Variants in MRC1 observed in about 807,000 individuals in gnomAD.
MRC1 encodes macrophage mannose receptor 1.
MRC1 carries 62 observed loss-of-function variants against 102.9 expected under a neutral mutation model. The observed-to-expected ratio is 0.60, with a 90% CI of 0.49 to 0.74. The LOEUF is 0.74. MRC1 is among the 30% of genes least tolerant of loss of function. The pLI, the probability that MRC1 is intolerant of heterozygous loss-of-function variation, is 0.00. For synonymous variants in MRC1, 457 were observed against 298.4 expected, an observed-to-expected ratio of 1.53 and a Z score of -5.48; for missense variants, 1,237 against 862.8, an observed-to-expected ratio of 1.43 and a Z score of -5.43.
At chr10:17,847,173 A>G (rs1224041070) in intron 6 of MRC1, among the ~76,000 whole-genome samples, 1 of 151,842 alleles carries the variant, frequency 6.6e-6, no homozygotes, top group African/African-American at 2.4e-5. Flanking sequence ...CTTTTTTGGA[A>G]GCCTTCATTA....
In MRC1 at chr10:17,875,342, T is replaced by G; in HGVS notation, c.2550+89T>G. 4.0e-6 allele frequency: 3 copies of G among 754,348 alleles called. No individual in the cohort carries two copies. The Admixed American group carries it at 5.4e-5, about 14-fold the overall frequency. The allele number at this position is 754,348 out of a possible 1,614,324, so 46.7% of individuals were successfully genotyped here. A position where few individuals can be genotyped will look rare whatever the true frequency, so the allele number is the denominator to read the frequency against. ...TATGGAAAAGTTCTTTAGTGGTGAT[T>G]TCTGAGATTTTGGTACACCCGTCAC... is the stretch of plus-strand genomic sequence containing the variant. On this transcript the variant is annotated intron_variant, in intron 17 of 29. Transcript: ENST00000569591.
chr10:17,815,573 G>A (rs969270564), intron 1 of MRC1, among the ~76,000 whole-genome samples: 6 of 152,144 alleles, frequency 3.9e-5, no homozygotes, highest in Non-Finnish European at 8.8e-5. Context: ...ACTTGGGAGC[G>A]AATGGCCCCG....
chr10:17,862,224 A>G (rs1833195444), intron 10 of MRC1, among the ~76,000 whole-genome samples: 1 of 118,834 alleles, frequency 8.4e-6, no homozygotes, highest in Non-Finnish European at 2.1e-5. Flanking sequence ...GTTGATATTA[A>G]AAAATCTTTG....
At chr10:17,824,296 T>G (rs1564610482) in intron 2 of MRC1, among the ~76,000 whole-genome samples, 2 of 152,340 alleles carry the variant, frequency 1.3e-5, no homozygotes, top group South Asian at 4.1e-4. Flanking sequence ...TAATCACATT[T>G]TAGGTTTGGA....
In MRC1 at chr10:17,861,451, CAAACCA is replaced by C; in HGVS notation, c.1586_1591del (p.Asn529_Gln530del). 1.1e-6 allele frequency: 1 copy of C among 872,434 alleles called. No individual in the cohort carries two copies. The highest frequency in any genetic ancestry group is 2.0e-6 in the Non-Finnish European group (1 of 501,404). The allele number at this position is 872,434 out of a possible 1,614,324, so 54.0% of individuals were successfully genotyped here. ...CATACGCTTTCAACATTTGCAGAAGCAAACCAAACCTGTAATAATGAGAATGCTTAT... is the reference window on the plus strand; with the variant it reads ...CATACGCTTTCAACATTTGCAGAAGCAACCTGTAATAATGAGAATGCTTAT... On this transcript the variant is annotated inframe_deletion, in exon 10 of 30. Coordinates refer to ENST00000569591, the MANE Select transcript of MRC1 (RefSeq NM_002438.4).
intron 26 of MRC1, among the ~76,000 whole-genome samples, chr10:17,905,531 A>T (rs1833883822): frequency 1.3e-5 from 2 of 151,866 alleles, no homozygotes; most frequent in Non-Finnish European, 2.9e-5. Context: ...TTTGAAAAAA[A>T]TTGCAATGAA....
chr10:17,827,627 G>C lies in MRC1; in HGVS notation c.549G>C (p.Thr183=), dbSNP rs1337231533. 1 of 780,818 alleles carries C rather than the reference G, an allele frequency of 1.3e-6. No homozygotes were observed. Among genetic ancestry groups the C allele is most frequent in the Non-Finnish European group, 2.4e-6 (1 of 417,954 alleles). 48.4% of individuals were successfully genotyped at this position (780,818 alleles called of 1,614,324 possible). Residue 183 remains threonine, a synonymous_variant, in exon 3 of 30, where the codon ACG becomes ACC. Transcript: ENST00000569591. ...KFENKWYADC[T]SAGRSDGWLW... ...AAAACAAGTGGTACGCAGATTGCAC[G>C]AGTGCTGGGCGGTCGGATGGATGGC...
intron 18 of MRC1, among the ~76,000 whole-genome samples, chr10:17,879,278 T>C (rs1282177867): frequency 6.6e-6 from 1 of 152,120 alleles, no homozygotes; most frequent in Admixed American, 6.5e-5. Flanking sequence ...TACTCAGGCA[T>C]TGGGGGTTTT....
intron 7 of MRC1, among the ~76,000 whole-genome samples, chr10:17,850,521 A>G (rs1838898830): frequency 6.6e-6 from 1 of 152,186 alleles, no homozygotes; most frequent in African/African-American, 2.4e-5. Context: ...TAAGCAGAAA[A>G]AAATAGATGA....
intron 17 of MRC1, among the ~76,000 whole-genome samples, chr10:17,876,616 G>A (rs1246676727): frequency 6.6e-6 from 1 of 152,076 alleles, no homozygotes; most frequent in Non-Finnish European, 1.5e-5. Context: ...ACTAATTTGA[G>A]TTCACTAATT....
At chr10:17,867,848 C>T (rs1833298690) in intron 12 of MRC1, among the ~76,000 whole-genome samples, 1 of 152,174 alleles carries the variant, frequency 6.6e-6, no homozygotes, top group Non-Finnish European at 1.5e-5. Flanking sequence ...AGTAATGCCA[C>T]ATAAGTATTC....
At position 17,892,682 on chromosome 10, in the gene MRC1, T is replaced by C. The variant is rs1023435422; in HGVS notation, c.3148-1528T>C. Among the ~76,000 whole-genome samples, 8 of 152,276 alleles carry C rather than the reference T, an allele frequency of 5.3e-5. No individual in the cohort carries two copies. In the East Asian group the frequency reaches 1.5e-3, roughly 29 times the overall value. On this transcript the variant is annotated intron_variant, in intron 22 of 29. Coordinates refer to ENST00000569591, the MANE Select transcript of MRC1 (RefSeq NM_002438.4). ...TTTACTTTAAAAGAAAACTTCTTTT[T>C]AGAAGAAAGTAGAAAATTGATATAG...
At chr10:17,812,696 C>T (rs1001665380) in intron 1 of MRC1, among the ~76,000 whole-genome samples, 8,055 of 151,542 alleles carry the variant, frequency 0.053, 284 homozygotes, top group Non-Finnish European at 0.081. Flanking sequence ...CTCAGCCTCC[C>T]GAGTAGCTGG....
intron 22 of MRC1, among the ~76,000 whole-genome samples, chr10:17,889,414 GCTTTTTTCTTTT>G (rs1443192848): frequency 4.1e-4 from 63 of 152,072 alleles, no homozygotes; most frequent in African/African-American, 1.5e-3. Context: ...CTTTAAGAAA[GCTTTTTTCTTTT>G]CTTTTTTCTT....
chr10:17,828,147 A>G (rs971612953), intron 3 of MRC1, among the ~76,000 whole-genome samples: 3 of 151,790 alleles, frequency 2.0e-5, no homozygotes, highest in Non-Finnish European at 2.9e-5. Context: ...TGCGATCTCC[A>G]CTCACTGCAA....
At chr10:17,902,604 G>C (rs1426637076) in intron 26 of MRC1, among the ~76,000 whole-genome samples, 1 of 151,904 alleles carries the variant, frequency 6.6e-6, no homozygotes, top group Non-Finnish European at 1.5e-5. Flanking sequence ...TTATTTTAAG[G>C]GTACATTTAA....
rs1323985210 is a variant in MRC1, at chr10:17,876,246, C to CTT, written c.2550+1009_2550+1010dup. 8.2e-4 allele frequency among the ~76,000 whole-genome samples: 114 copies of CTT among 138,714 alleles called. 1 individual carries two copies. The highest frequency in any genetic ancestry group is 3.7e-3 in the Middle Eastern group (1 of 270). 91.0% of individuals were successfully genotyped at this position (138,714 alleles called of 152,430 possible). A position where few individuals can be genotyped will look rare whatever the true frequency, so the allele number is the denominator to read the frequency against. On this transcript the variant is annotated intron_variant, in intron 17 of 29. Transcript: ENST00000569591. ...AGTGCAGAATTGCAGAACTCAGAATCTTTTTTTTTTTTTTTTTCTGAGACA... is the reference window on the plus strand; with the variant it reads ...AGTGCAGAATTGCAGAACTCAGAATCTTTTTTTTTTTTTTTTTTTCTGAGACA...
At chr10:17,840,244 C>G (rs1396263105) in intron 4 of MRC1, among the ~76,000 whole-genome samples, 1 of 152,086 alleles carries the variant, frequency 6.6e-6, no homozygotes, top group Non-Finnish European at 1.5e-5. Context: ...AGCATAAGCA[C>G]TTAGTGATTA....
chr10:17,874,600 A>T (rs1427350998), intron 16 of MRC1, among the ~76,000 whole-genome samples: 1 of 152,146 alleles, frequency 6.6e-6, no homozygotes, highest in African/African-American at 2.4e-5. Flanking sequence ...GAAGTATGGA[A>T]TTCCATGGGT....
Sources: allele counts gnomAD v4.1 joint callset (sites outside exome capture counted in the v4.1 genomes callset), GRCh38; gene constraint gnomAD v4.1.1; transcripts MANE v1.5; gene names NCBI Gene and HGNC (gene_info 2026-07-23, HGNC 2026-07-21).